PRKN: variants seen among roughly 807,000 people sequenced by gnomAD.
PRKN encodes the protein parkin RBR E3 ubiquitin protein ligase.
PRKN carries 56 observed loss-of-function variants against 59.5 expected under a neutral mutation model. The observed-to-expected ratio is 0.94, with a 90% CI of 0.76 to 1.18. The LOEUF (loss-of-function observed/expected upper bound fraction) is 1.18. Among genes scored for constraint, PRKN ranks in the 50% most tolerant of loss-of-function variants. The probability of loss-of-function intolerance (pLI) is 0.00; values close to 1 mark genes in which losing one functional copy is unlikely to be tolerated. For missense variants in PRKN, 657 were observed against 596.4 expected, an observed-to-expected ratio of 1.10 and a Z score of -1.06; for synonymous variants, 250 against 222.1, an observed-to-expected ratio of 1.13 and a Z score of -1.12.
In PRKN at chr6:162,102,499, C is replaced by T. The variant is rs116450918; in HGVS notation, c.535-48325G>A. Among the ~76,000 whole-genome samples, 1,340 of 152,240 alleles carry T rather than the reference C, an allele frequency of 8.8e-3. 9 individuals are homozygous for T. Among genetic ancestry groups the T allele is most frequent in the Middle Eastern group, 0.027 (8 of 294 alleles). On this transcript the variant is annotated intron_variant, in intron 4 of 11. Coordinates refer to ENST00000366898, the MANE Select transcript of PRKN (RefSeq NM_004562.3). ...TATTAATCTTAAAAGATAAGTAAAG[C>T]GCTCATGAAAACGGGGAAACTGATA... is the stretch of plus-strand genomic sequence containing the variant.
intron 2 of PRKN, among the ~76,000 whole-genome samples, chr6:162,348,149 C>T (rs1050301725): frequency 6.6e-6 from 1 of 152,194 alleles, no homozygotes; most frequent in African/African-American, 2.4e-5. Flanking sequence ...GGGTAAGGAA[C>T]AGTGCCTCTT....
chr6:161,580,939 C>T (rs1285732712), intron 7 of PRKN, among the ~76,000 whole-genome samples: 1 of 152,096 alleles, frequency 6.6e-6, no homozygotes, highest in South Asian at 2.1e-4. Context: ...TGGTGGCTCA[C>T]ACCTGTAATC....
chr6:162,393,217 T>G (rs1787303814), intron 2 of PRKN, among the ~76,000 whole-genome samples: 1 of 142,258 alleles, frequency 7.0e-6, no homozygotes, highest in South Asian at 2.4e-4. Context: ...TGGAGTGCAA[T>G]GGTGCACTCT....
At chr6:161,375,417 C>A (rs1217904383) in intron 10 of PRKN, among the ~76,000 whole-genome samples, 1 of 152,202 alleles carries the variant, frequency 6.6e-6, no homozygotes, top group African/African-American at 2.4e-5. Context: ...CGCAAGCATG[C>A]CTTCACTTGT....
intron 4 of PRKN, among the ~76,000 whole-genome samples, chr6:162,060,678 T>A (rs889587514): frequency 2.0e-5 from 3 of 152,220 alleles, no homozygotes; most frequent in Non-Finnish European, 2.9e-5. Flanking sequence ...ACAAAATAAC[T>A]ATTTTTCTTG....
At chr6:162,108,806 C>T (rs1175300936) in intron 4 of PRKN, among the ~76,000 whole-genome samples, 3 of 152,190 alleles carry the variant, frequency 2.0e-5, no homozygotes, top group Non-Finnish European at 4.4e-5. Context: ...TAATCACCAT[C>T]ACAGGAACAA....
chr6:162,269,219 G>A lies in PRKN; in HGVS notation c.172-6454C>T, dbSNP rs761245613. On this transcript the variant is annotated intron_variant, in intron 2 of 11. Transcript: ENST00000366898. ...GTCGTATTGTAGTTTCTTTGTATGC[G>A]TTGCTCTCTGTTACCAGACAATACC... Among the ~76,000 whole-genome samples, 23 of 152,086 alleles carry A rather than the reference G, an allele frequency of 1.5e-4. 1 individual carries two copies. The highest frequency in any genetic ancestry group is 1.3e-3 in the Admixed American group (20 of 15,272).
intron 6 of PRKN, among the ~76,000 whole-genome samples, chr6:161,793,848 T>A (rs1410017909): frequency 1.3e-5 from 2 of 152,234 alleles, no homozygotes; most frequent in Non-Finnish European, 2.9e-5. Flanking sequence ...CAAAGGATTA[T>A]GAAAATATAA....
At chr6:162,021,974 C>A (rs1428913334) in intron 5 of PRKN, among the ~76,000 whole-genome samples, 2 of 152,062 alleles carry the variant, frequency 1.3e-5, no homozygotes, top group African/African-American at 4.8e-5. Context: ...TGCATTAATT[C>A]CCCTAGGATT....
At chr6:162,462,425 T>C (rs73783596) in intron 1 of PRKN, among the ~76,000 whole-genome samples, 19,363 of 152,192 alleles carry the variant, frequency 0.13, 1,302 homozygotes, top group African/African-American at 0.15. Context: ...ACCATGTAAA[T>C]TGATGGAATT....
At chr6:161,596,517 C>T (rs752757719) in intron 7 of PRKN, among the ~76,000 whole-genome samples, 1 of 151,762 alleles carries the variant, frequency 6.6e-6, no homozygotes, top group East Asian at 1.9e-4. Flanking sequence ...CCCTTTATTC[C>T]TCAACTTGTC....
At chr6:162,423,191 C>T (rs533388642) in intron 2 of PRKN, among the ~76,000 whole-genome samples, 1 of 152,288 alleles carries the variant, frequency 6.6e-6, no homozygotes, top group Non-Finnish European at 1.5e-5. Context: ...TCCATCTACA[C>T]CTTCTCAACT....
intron 1 of PRKN, among the ~76,000 whole-genome samples, chr6:162,722,794 A>G (rs1778985021): frequency 6.6e-6 from 1 of 152,212 alleles, no homozygotes; most frequent in African/African-American, 2.4e-5. Flanking sequence ...GAGGTTTCAA[A>G]AAATGCAGAC....
At chr6:162,718,242 T>A (rs1417206440) in intron 1 of PRKN, among the ~76,000 whole-genome samples, 1 of 152,102 alleles carries the variant, frequency 6.6e-6, no homozygotes, top group Non-Finnish European at 1.5e-5. Flanking sequence ...TCAAATAGCA[T>A]CCCCATCCCC....
At chr6:162,680,954 A>G (rs372403626) in intron 1 of PRKN, among the ~76,000 whole-genome samples, 2 of 152,294 alleles carry the variant, frequency 1.3e-5, no homozygotes, top group African/African-American at 4.8e-5. Flanking sequence ...CATTATATTC[A>G]AGCCTCACTT....
At position 161,388,790 on chromosome 6, in the gene PRKN, G is replaced by A. The variant is rs1786377521; in HGVS notation, c.1084-1913C>T. ...CCATGGGAGCCCCACATGGAGAAGA[G>A]CTGCGGCCTCAGCCGCAACAATAGC... On this transcript the variant is annotated intron_variant, in intron 9 of 11. Transcript: ENST00000366898. The surrounding 1 kb of genome is among the most constrained non-coding windows in gnomAD (Gnocchi z 4.3). Among the ~76,000 whole-genome samples the A allele has an allele frequency of 6.6e-6, 1 of 152,206 alleles. No homozygotes were observed. Among genetic ancestry groups the A allele is most frequent in the African/African-American group, 2.4e-5 (1 of 41,446 alleles).
intron 7 of PRKN, among the ~76,000 whole-genome samples, chr6:161,689,185 T>TACACACACACACAC (rs34193135): frequency 6.2e-5 from 9 of 144,188 alleles, no homozygotes; most frequent in Admixed American, 4.2e-4. Context: ...AATTAAATTG[T>TACACACACACACAC]ACACACACAC....
intron 1 of PRKN, among the ~76,000 whole-genome samples, chr6:162,483,803 G>A (rs1230408022): frequency 1.3e-5 from 2 of 152,156 alleles, no homozygotes; most frequent in African/African-American, 2.4e-5. Context: ...GTAGACATAT[G>A]TAAGATGATG....
Position 162,713,366 on chromosome 6 carries a change from C to A in PRKN, c.7+14296G>T, listed in dbSNP as rs575812725. ...AAAATTAGCCACGCGTGCTGGCGGG[C>A]GCCTGTAGTCCCAGCTACTCGGGAG... is the stretch of plus-strand genomic sequence containing the variant. On this transcript the variant is annotated intron_variant, in intron 1 of 11. Transcript: ENST00000366898. Among the ~76,000 whole-genome samples the A allele has an allele frequency of 7.2e-5, 11 of 151,958 alleles. No individual in the cohort carries two copies. In the East Asian group the frequency reaches 1.4e-3, roughly 19 times the overall value.
Sources: gnomAD v4.1 joint callset for allele counts (sites outside exome capture counted in the v4.1 genomes callset) on GRCh38, gnomAD v4.1.1 for gene constraint, Gnocchi (gnomAD v3.1) non-coding constraint, MANE v1.5 for transcripts, NCBI Gene and HGNC (gene_info 2026-07-23, HGNC 2026-07-21) for gene names.